Variants in NAV2 observed in about 807,000 individuals in gnomAD.
The protein encoded by NAV2 is helicase, APC down-regulated 1.
NAV2 carries 54 observed loss-of-function variants against 223.2 expected under a neutral mutation model. The observed-to-expected ratio is 0.24, with a 90% CI of 0.19 to 0.30. NAV2 has a LOEUF of 0.30. NAV2 is among the 10% of genes least tolerant of loss of function. The pLI is 1.00. For missense variants in NAV2, 2,806 were observed against 3,147.5 expected, an observed-to-expected ratio of 0.89 and a Z score of 2.60; for synonymous variants, 1,279 against 1,239.3, an observed-to-expected ratio of 1.03 and a Z score of -0.67.
At chr11:19,875,993 A>G (rs1326508195) in intron 4 of NAV2, among the ~76,000 whole-genome samples, 1 of 152,112 alleles carries the variant, frequency 6.6e-6, no homozygotes, top group African/African-American at 2.4e-5. Context: ...GTCGGGAAGT[A>G]TCCTAGGTGC....
At chr11:19,478,662 C>G (rs972534562) in intron 1 of NAV2, among the ~76,000 whole-genome samples, 1 of 152,174 alleles carries the variant, frequency 6.6e-6, no homozygotes, top group African/African-American at 2.4e-5. Flanking sequence ...AAGCCTTGAC[C>G]AACCAAGACA....
intron 1 of NAV2, among the ~76,000 whole-genome samples, chr11:19,409,323 C>T (rs1483695548): frequency 6.6e-6 from 1 of 152,316 alleles, no homozygotes; most frequent in Non-Finnish European, 1.5e-5. Flanking sequence ...AGCATGGAGA[C>T]TAATTTAAGC....
At chr11:19,449,974 G>A (rs920976503) in intron 1 of NAV2, among the ~76,000 whole-genome samples, 4 of 152,116 alleles carry the variant, frequency 2.6e-5, no homozygotes, top group Non-Finnish European at 5.9e-5. Flanking sequence ...CTTTTCTAGG[G>A]AAAGACATGA....
chr11:19,852,385 CATCAGT>C (rs1244277857), intron 3 of NAV2, among the ~76,000 whole-genome samples: 4 of 152,170 alleles, frequency 2.6e-5, no homozygotes, highest in African/African-American at 9.7e-5. Flanking sequence ...GAGCTTGCTG[CATCAGT>C]ACATTCAGAG....
At chr11:19,777,195 G>A (rs2056317308) in intron 1 of NAV2, among the ~76,000 whole-genome samples, 1 of 151,396 alleles carries the variant, frequency 6.6e-6, no homozygotes, top group Non-Finnish European at 1.5e-5. Context: ...TTTGGCGGAG[G>A]CGGGGAGGCC....
intron 1 of NAV2, among the ~76,000 whole-genome samples, chr11:19,656,640 G>A (rs1391726115): frequency 6.6e-6 from 1 of 152,174 alleles, no homozygotes; most frequent in East Asian, 1.9e-4. Context: ...GAGGCAGGGG[G>A]ACTTGGTACA....
At chr11:19,871,623 C>T (rs915912478) in intron 4 of NAV2, among the ~76,000 whole-genome samples, 1 of 152,146 alleles carries the variant, frequency 6.6e-6, no homozygotes, top group Non-Finnish European at 1.5e-5. Context: ...CTTATGATCC[C>T]TCCGGTACCT....
chr11:19,723,587 C>A (rs192364160), intron 1 of NAV2, among the ~76,000 whole-genome samples: 1 of 152,246 alleles, frequency 6.6e-6, no homozygotes, highest in Non-Finnish European at 1.5e-5. Context: ...GCTTCCCCCT[C>A]GTTGGGGCCT....
chr11:19,543,024 G>A (rs1030800263), intron 1 of NAV2, among the ~76,000 whole-genome samples: 1 of 152,218 alleles, frequency 6.6e-6, no homozygotes, highest in Non-Finnish European at 1.5e-5. Flanking sequence ...TGTGAGAACT[G>A]CCTGATTAGA....
chr11:19,792,335 G>A (rs1684254433), intron 1 of NAV2, among the ~76,000 whole-genome samples: 1 of 152,188 alleles, frequency 6.6e-6, no homozygotes, highest in African/African-American at 2.4e-5. Flanking sequence ...CTAAGTAGTG[G>A]GGGGCATTGC....
upstream of NAV2, among the ~76,000 whole-genome samples, chr11:19,346,625 G>A (rs2654008): frequency 0.27 from 40,907 of 152,090 alleles, 5,998 homozygotes; most frequent in East Asian, 0.56. Flanking sequence ...CTTTTCTTCA[G>A]GGAAGAGGCG....
chr11:19,747,780 C>T (rs1565247788), intron 1 of NAV2, among the ~76,000 whole-genome samples: 1 of 152,218 alleles, frequency 6.6e-6, no homozygotes, highest in Non-Finnish European at 1.5e-5. Context: ...ACACTATTTA[C>T]TTAATGCTTT....
intron 1 of NAV2, among the ~76,000 whole-genome samples, chr11:19,790,022 A>G (rs954592817): frequency 3.9e-5 from 6 of 152,304 alleles, no homozygotes; most frequent in Admixed American, 3.3e-4. Context: ...CGCTAAGGCA[A>G]GTTATTTCCC....
chr11:19,409,989 G>A (rs1269335191), intron 1 of NAV2, among the ~76,000 whole-genome samples: 2 of 152,054 alleles, frequency 1.3e-5, no homozygotes, highest in Admixed American at 1.3e-4. Flanking sequence ...AACTTCTCTG[G>A]GACGCTCTCC....
intron 1 of NAV2, among the ~76,000 whole-genome samples, chr11:19,605,835 G>A (rs2046462787): frequency 6.6e-6 from 1 of 152,180 alleles, no homozygotes; most frequent in South Asian, 2.1e-4. Context: ...GCCCCAGACA[G>A]GATTTGGGCG....
rs76660229 is a variant in NAV2 at position 19,966,150 on chromosome 11, C to T, written c.2645+17070C>T. Among the ~76,000 whole-genome samples the T allele has an allele frequency of 1.7e-3, 258 of 152,320 alleles. 2 individuals carry two copies. Among genetic ancestry groups the T allele is most frequent in the African/African-American group, 5.3e-3 (220 of 41,582 alleles). On this transcript the variant is annotated intron_variant, in intron 10 of 37. Transcript: ENST00000349880. The stretch of plus-strand genomic sequence containing the variant: ...CATACTGTATTGGTCAAAGCAGTCA[C>T]GAGCCCTCCAGATTCGAGAGGAAGG...
At chr11:19,502,191 A>G (rs1167808336) in intron 1 of NAV2, among the ~76,000 whole-genome samples, 3 of 152,182 alleles carry the variant, frequency 2.0e-5, no homozygotes, top group Non-Finnish European at 4.4e-5. Flanking sequence ...ACATGGTCTC[A>G]GGAACAAAAA....
chr11:19,535,163 G>T (rs949418728), intron 1 of NAV2, among the ~76,000 whole-genome samples: 1 of 152,162 alleles, frequency 6.6e-6, no homozygotes, highest in African/African-American at 2.4e-5. Flanking sequence ...GCTTGGCAGT[G>T]GCTCTGAGGA....
chr11:19,475,983 C>CT (rs907729318), intron 1 of NAV2, among the ~76,000 whole-genome samples: 15 of 151,566 alleles, frequency 9.9e-5, no homozygotes, highest in Non-Finnish European at 1.5e-4. Flanking sequence ...GCATGCCATT[C>CT]TTTTTTTTTG....
Sources: allele counts gnomAD v4.1 joint callset (sites outside exome capture counted in the v4.1 genomes callset), GRCh38; gene constraint gnomAD v4.1.1; transcripts MANE v1.5; gene names NCBI Gene and HGNC (gene_info 2026-07-23, HGNC 2026-07-21).